The following USP34 variants were observed in gnomAD, a reference collection of about 807,000 sequenced individuals.
USP34 encodes the protein ubiquitin carboxyl-terminal hydrolase 34.
Under a neutral mutation model 460.3 loss-of-function variants are expected in USP34, and 70 were observed. That is an observed-to-expected ratio of 0.15 (90% confidence interval 0.13 to 0.19). The LOEUF is 0.19. USP34 is among the 10% of genes least tolerant of loss of function. USP34 has a pLI of 1.00. For missense variants in USP34, 3,985 were observed against 4,236.2 expected (o/e 0.94, Z 1.65); for synonymous variants, 1,647 against 1,405.3 (o/e 1.17, Z -3.85).
chr2:61,278,633 T>G (rs1365600938), intron 39 of USP34, among the ~76,000 whole-genome samples, 190 bp from the exon 40 acceptor site: 1 of 152,164 alleles, frequency 6.6e-6, no homozygotes, highest in Non-Finnish European at 1.5e-5. Context: ...TAAACATCAC[T>G]GATCATTCTA....
At chr2:61,413,074 T>A (rs1329435760) in intron 2 of USP34, among the ~76,000 whole-genome samples, 1 of 152,004 alleles carries the variant, frequency 6.6e-6, no homozygotes, top group East Asian at 1.9e-4. Context: ...GGATAAAGAT[T>A]CTAAAAGCTT....
At chr2:61,284,762 A>C in intron 35 of USP34, 113 bp downstream of exon 35, 1 of 767,234 alleles carries the variant, frequency 1.3e-6, no homozygotes, top group Non-Finnish European at 2.0e-6. Flanking sequence ...GAGAGATTTC[A>C]TCATAATATC....
chr2:61,248,185 C>CAAAA (rs11339335), intron 49 of USP34, among the ~76,000 whole-genome samples: 2 of 69,560 alleles, frequency 2.9e-5, no homozygotes, highest in Non-Finnish European at 5.6e-5. Context: ...CTCAGAAGAC[C>CAAAA]AAAAAAAAAA....
chr2:61,370,596 A>G lies in USP34; in HGVS notation c.1077-17T>C, dbSNP rs188508791. 8.7e-6 allele frequency: 14 copies of G among 1,601,276 alleles called. No homozygotes were observed. The African/African-American group carries it at 1.5e-4, about 17-fold the overall frequency. On this transcript the variant is annotated splice_polypyrimidine_tract_variant and intron_variant, in intron 8 of 79. Transcript: ENST00000398571. Reference sequence around the variant, plus strand: ...GCAATGGACCTAAAGTCAAGCAATGAAAATAGTACATTAAAAAAAATTGTC... The same window carrying G: ...GCAATGGACCTAAAGTCAAGCAATGGAAATAGTACATTAAAAAAAATTGTC...
intron 1 of USP34, among the ~76,000 whole-genome samples, chr2:61,438,623 C>CA (rs60440972): frequency 2.5e-4 from 38 of 150,438 alleles, no homozygotes; most frequent in South Asian, 4.2e-4. Context: ...AAAACAAAAA[C>CA]AAAAAAAAAA....
intron 2 of USP34, among the ~76,000 whole-genome samples, chr2:61,409,069 A>T (rs1693964158): frequency 6.6e-6 from 1 of 151,518 alleles, no homozygotes; most frequent in African/African-American, 2.4e-5. Flanking sequence ...AAAATACAAA[A>T]ATTAGCTGGG....
At chr2:61,241,532 A>T in intron 53 of USP34, 28 bp downstream of exon 53, 1 of 1,526,846 alleles carries the variant, frequency 6.5e-7, no homozygotes, top group Non-Finnish European at 8.9e-7. Flanking sequence ...TATTTTTAAA[A>T]TGTTGCTCAA....
chr2:61,218,297 G>GTA (rs1413573453), intron 67 of USP34, among the ~76,000 whole-genome samples: 2 of 147,750 alleles, frequency 1.4e-5, no homozygotes, highest in East Asian at 3.9e-4. Flanking sequence ...TATTATGGTG[G>GTA]GGTTAACTAA....
chr2:61,387,673 GTAAAAATATATTTT>G (rs927036615), intron 5 of USP34, among the ~76,000 whole-genome samples: 16 of 139,212 alleles, frequency 1.1e-4, no homozygotes, highest in African/African-American at 3.9e-4. Flanking sequence ...ATGCACACAT[GTAAAAATATATTTT>G]TACATATACA....
At chr2:61,303,388 A>C (rs1271101687) in intron 27 of USP34, among the ~76,000 whole-genome samples, 1 of 151,904 alleles carries the variant, frequency 6.6e-6, no homozygotes, top group Non-Finnish European at 1.5e-5. Flanking sequence ...ACATCTTAAA[A>C]TTGCTATTAT....
At chr2:61,402,842 G>A (rs1042838304) in intron 3 of USP34, among the ~76,000 whole-genome samples, 3 of 152,058 alleles carry the variant, frequency 2.0e-5, no homozygotes, top group African/African-American at 7.2e-5. Flanking sequence ...AAATAATTGT[G>A]TGTATATACA....
intron 1 of USP34, among the ~76,000 whole-genome samples, chr2:61,446,795 CAA>C (rs202114862): frequency 0.61 from 85,578 of 139,314 alleles, 25,160 homozygotes; most frequent in Middle Eastern, 0.69. Flanking sequence ...GACTCCACAT[CAA>C]AAAAAAAAAA....
intron 41 of USP34, among the ~76,000 whole-genome samples, chr2:61,266,679 T>C (rs544757918): frequency 1.3e-5 from 2 of 152,314 alleles, no homozygotes; most frequent in South Asian, 2.1e-4. Flanking sequence ...ATTGGTCCTT[T>C]GCTATTTTAC....
chr2:61,316,584 C>CA (rs532966153), intron 23 of USP34, among the ~76,000 whole-genome samples: 2,920 of 146,542 alleles, frequency 0.02, 108 homozygotes, highest in African/African-American at 0.07. Context: ...GACACCATCT[C>CA]AAAAAAAATA....
intron 41 of USP34, among the ~76,000 whole-genome samples, chr2:61,271,613 G>C (rs1372109188): frequency 6.6e-6 from 1 of 151,876 alleles, no homozygotes; most frequent in African/African-American, 2.4e-5. Flanking sequence ...GGAAGAAAAA[G>C]GAAGGGAGGA....
In USP34 at chr2:61,470,753, G is replaced by C; in HGVS notation, c.-61C>G. The stretch of plus-strand genomic sequence containing the variant: ...ATCACACTGACTGATCCCGACCGGC[G>C]GGGGGGAGGGGAGAGAGGCGGAGGA... On this transcript the variant is annotated 5_prime_UTR_variant, in exon 1 of 80. Coordinates refer to ENST00000398571, the MANE Select transcript of USP34 (RefSeq NM_014709.4). 3 of 1,425,986 alleles carry C rather than the reference G, an allele frequency of 2.1e-6. No individual in the cohort carries two copies. The highest frequency in any genetic ancestry group is 2.7e-5 in the East Asian group (1 of 37,114). 88.3% of individuals were successfully genotyped at this position (1,425,986 alleles called of 1,614,324 possible).
chr2:61,364,033 C>T (rs1299640676), intron 10 of USP34, among the ~76,000 whole-genome samples: 7 of 152,086 alleles, frequency 4.6e-5, no homozygotes, highest in Admixed American at 4.6e-4. Context: ...TATGATTCCA[C>T]TTATAGAAGG....
chr2:61,292,167 G>T (rs1021853965), intron 33 of USP34, among the ~76,000 whole-genome samples: 3 of 151,930 alleles, frequency 2.0e-5, no homozygotes, highest in African/African-American at 7.3e-5. Context: ...CATTTTGGAG[G>T]AGTACATTGA....
At chr2:61,267,296 T>C (rs148156037) in intron 41 of USP34, among the ~76,000 whole-genome samples, 4 of 152,350 alleles carry the variant, frequency 2.6e-5, no homozygotes, top group African/African-American at 9.6e-5. Flanking sequence ...AGGGAAACTC[T>C]TGAAAGACGT....
Sources: allele counts gnomAD v4.1 joint callset (sites outside exome capture counted in the v4.1 genomes callset), GRCh38; gene constraint gnomAD v4.1.1; transcripts MANE v1.5; gene names NCBI Gene and HGNC (gene_info 2026-07-23, HGNC 2026-07-21).